The following CASR variants were observed in gnomAD, a reference collection of about 807,000 sequenced individuals.
CASR encodes calcium sensing receptor.
CASR carries 23 observed loss-of-function variants against 69.1 expected under a neutral mutation model. That is an observed-to-expected ratio of 0.33 (90% CI 0.24 to 0.47). The LOEUF is 0.47. Among genes scored for constraint, CASR ranks in the 20% least tolerant of loss-of-function variants. The pLI, the probability that CASR is intolerant of heterozygous loss-of-function variation, is 1.00. For synonymous variants in CASR, 541 were observed against 544.7 expected (o/e 0.99, Z 0.10); for missense variants, 924 against 1,356.1 (o/e 0.68, Z 5.00).
At chr3:122,258,847 A>T (rs35662058) in intron 3 of CASR, among the ~76,000 whole-genome samples, 48 of 152,242 alleles carry the variant, frequency 3.2e-4, no homozygotes, top group African/African-American at 1.0e-3. Flanking sequence ...ATCAAGGTTT[A>T]ATTGAGCTGA....
chr3:122,276,251 C>G (rs915235113), intron 5 of CASR, among the ~76,000 whole-genome samples: 1 of 152,204 alleles, frequency 6.6e-6, no homozygotes, highest in African/African-American at 2.4e-5. Flanking sequence ...AGCCCCATGC[C>G]TTCCTACTGT....
At chr3:122,212,760 G>A (rs1356830803) in intron 1 of CASR, among the ~76,000 whole-genome samples, 1 of 151,824 alleles carries the variant, frequency 6.6e-6, no homozygotes, top group African/African-American at 2.4e-5. Flanking sequence ...TCCTGCCTCA[G>A]CTTCCCGAGT....
At chr3:122,191,200 G>A (rs1333116076) in intron 1 of CASR, among the ~76,000 whole-genome samples, 3 of 152,196 alleles carry the variant, frequency 2.0e-5, no homozygotes, top group Admixed American at 1.3e-4. Context: ...TGGATATTTT[G>A]TAAGAATGAG....
At chr3:122,192,673 A>G (rs77709711) in intron 1 of CASR, among the ~76,000 whole-genome samples, 26,167 of 152,094 alleles carry the variant, frequency 0.17, 2,336 homozygotes, top group African/African-American at 0.2. Context: ...AACTTTCCCA[A>G]ATCTTCCATC....
At position 122,211,791 on chromosome 3, in the gene CASR, G is replaced by A. The variant is rs6788272; in HGVS notation, c.-243+27979G>A. Among the ~76,000 whole-genome samples the A allele has an allele frequency of 6.4e-3, 534 of 83,428 alleles. 5 individuals carry two copies. The highest frequency in any genetic ancestry group is 0.02 in the African/African-American group (505 of 25,228). 54.7% of individuals were successfully genotyped at this position (83,428 alleles called of 152,430 possible). A position where few individuals can be genotyped will look rare whatever the true frequency, so the allele number is the denominator to read the frequency against. On this transcript the variant is annotated intron_variant, in intron 1 of 6. Coordinates refer to ENST00000639785, the MANE Select transcript of CASR (RefSeq NM_000388.4). The stretch of plus-strand genomic sequence containing the variant: ...CTTCTCAAAAGAAAACATTTATGCG[G>A]CCAATAAACATGAAAAAAAGTTCAA...
At chr3:122,201,168 C>A (rs919409423) in intron 1 of CASR, among the ~76,000 whole-genome samples, 1 of 152,030 alleles carries the variant, frequency 6.6e-6, no homozygotes, top group South Asian at 2.1e-4. Context: ...TGTTTGTGTC[C>A]CTGGGTACTT....
intron 1 of CASR, among the ~76,000 whole-genome samples, chr3:122,240,316 G>A (rs544931693): frequency 5.7e-4 from 87 of 152,188 alleles, no homozygotes; most frequent in African/African-American, 2.0e-3. Context: ...GTACACATAG[G>A]CTGAAAATAA....
At chr3:122,248,936 C>CAGACAT (rs2074455311) in intron 1 of CASR, among the ~76,000 whole-genome samples, 1 of 152,174 alleles carries the variant, frequency 6.6e-6, no homozygotes, top group African/African-American at 2.4e-5. Flanking sequence ...ACAAGTTCAA[C>CAGACAT]AGACATTTTT....
At chr3:122,282,483 G>T (rs1221330309) in intron 6 of CASR, among the ~76,000 whole-genome samples, 2 of 152,150 alleles carry the variant, frequency 1.3e-5, no homozygotes, top group African/African-American at 4.8e-5. Flanking sequence ...CATATTGTCG[G>T]CCAATATATT....
rs1222589561 is a variant in CASR, at chr3:122,261,946, T to C, written c.911T>C (p.Leu304Pro). Residue 304 changes from leucine to proline, a missense_variant, in exon 4 of 7, where the codon CTG becomes CCG. Around this residue, in one of 8 missense-constraint regions of CASR, gnomAD observed 310 missense variants for 395.7 expected, o/e 0.78. Transcript: ENST00000639785. ...AGCGAGGCCTGGGCCAGCTCCTCCC[T>C]GATCGCCATGCCTCAGTACTTCCAC... ...LASEAWASSS[L>P]IAMPQYFHVV... The C allele has an allele frequency of 6.2e-7, 1 of 1,614,112 alleles. No homozygotes were observed. Among genetic ancestry groups the C allele is most frequent in the Admixed American group, 1.7e-5 (1 of 60,026 alleles).
At chr3:122,210,111 G>T (rs1393613124) in intron 1 of CASR, among the ~76,000 whole-genome samples, 1 of 152,206 alleles carries the variant, frequency 6.6e-6, no homozygotes, top group East Asian at 1.9e-4. Context: ...GCTATTTATG[G>T]CAAACCCACA....
intron 1 of CASR, among the ~76,000 whole-genome samples, chr3:122,186,524 G>A (rs1315039149): frequency 6.6e-6 from 1 of 152,216 alleles, no homozygotes; most frequent in Non-Finnish European, 1.5e-5. Context: ...GCCTGGCTAT[G>A]TGCCAGTCAC....
rs1173197457 is a variant in CASR at position 122,261,719 on chromosome 3, G to A, written c.684G>A (p.Glu228=). ...YGRPGIEKFR[E]EAEERDICID... is the part of the protein sequence containing the mutation. Reference sequence around the variant, plus strand: ...GGCCGGGGATTGAGAAATTCCGAGAGGAAGCTGAGGAAAGGGATATCTGCA... The same window carrying A: ...GGCCGGGGATTGAGAAATTCCGAGAAGAAGCTGAGGAAAGGGATATCTGCA... The change falls in exon 4 of 7, where the codon GAG becomes GAA. Residue 228 remains glutamate (E), a synonymous_variant. Coordinates refer to ENST00000639785, the MANE Select transcript of CASR (RefSeq NM_000388.4). 2 of 1,614,218 alleles carry A rather than the reference G, an allele frequency of 1.2e-6. No individual in the cohort carries two copies. Among genetic ancestry groups the A allele is most frequent in the East Asian group, 4.5e-5 (2 of 44,888 alleles).
intron 4 of CASR, among the ~76,000 whole-genome samples, chr3:122,269,770 G>T (rs1040876793): frequency 1.3e-5 from 2 of 152,028 alleles, no homozygotes; most frequent in African/African-American, 4.8e-5. Context: ...TTGTAGAATT[G>T]GTATTAATTC....
At chr3:122,260,054 G>GA (rs1442019104) in intron 3 of CASR, among the ~76,000 whole-genome samples, 1 of 152,104 alleles carries the variant, frequency 6.6e-6, no homozygotes, top group African/African-American at 2.4e-5. Context: ...TCGTTCTTCA[G>GA]AAAAAATGGT....
At chr3:122,201,867 C>T (rs1010756735) in intron 1 of CASR, among the ~76,000 whole-genome samples, 10 of 151,110 alleles carry the variant, frequency 6.6e-5, no homozygotes, top group South Asian at 4.2e-4. Context: ...GGATGGCGGC[C>T]GGGAAGAGGC....
At chr3:122,212,641 C>T (rs1040890666) in intron 1 of CASR, among the ~76,000 whole-genome samples, 3 of 87,774 alleles carry the variant, frequency 3.4e-5, no homozygotes, top group African/African-American at 1.2e-4. Flanking sequence ...AGATTTTCTA[C>T]AATTTTTTTT....
At chr3:122,248,542 A>G (rs2074450998) in intron 1 of CASR, among the ~76,000 whole-genome samples, 1 of 152,062 alleles carries the variant, frequency 6.6e-6, no homozygotes, top group African/African-American at 2.4e-5. Context: ...TACTCACGTT[A>G]TGGAGATAAA....
At chr3:122,261,190 C>T (rs187122748) in intron 3 of CASR, among the ~76,000 whole-genome samples, 1 of 152,282 alleles carries the variant, frequency 6.6e-6, no homozygotes, top group Admixed American at 6.5e-5. Context: ...AGACATGAAA[C>T]GGTGCATAAA....
Sources: gnomAD v4.1 joint callset for allele counts (sites outside exome capture counted in the v4.1 genomes callset) on GRCh38, gnomAD v4.1.1 for gene constraint, gnomAD v4.1.1 regional missense constraint, MANE v1.5 for transcripts, NCBI Gene and HGNC (gene_info 2026-07-23, HGNC 2026-07-21) for gene names.